The following NCALD variants were observed in gnomAD, a reference collection of about 807,000 sequenced individuals.
The protein encoded by NCALD is neurocalcin-delta.
Under a neutral mutation model 18.6 loss-of-function variants are expected in NCALD, and 10 were observed. The ratio of observed to expected loss-of-function variants is 0.54; its 90% CI spans 0.33 to 0.91. The LOEUF (loss-of-function observed/expected upper bound fraction) is 0.91, where lower values mean the gene tolerates loss of function less well. Among genes scored for constraint, NCALD ranks in the 40% least tolerant of loss-of-function variants. The pLI is 0.03. For synonymous variants in NCALD, 88 were observed against 87.4 expected (o/e 1.01, Z -0.04); for missense variants, 184 against 247.6 (o/e 0.74, Z 1.72).
chr8:101,726,595 C>T (rs1455632512), intron 1 of NCALD, among the ~76,000 whole-genome samples: 1 of 152,090 alleles, frequency 6.6e-6, no homozygotes, highest in African/African-American at 2.4e-5. Context: ...GCAAGAGAAG[C>T]AGGGCTTTTG....
chr8:101,800,696 C>T (rs1812806373), intron 4 of NCALD, among the ~76,000 whole-genome samples: 1 of 151,374 alleles, frequency 6.6e-6, no homozygotes, highest in Non-Finnish European at 1.5e-5. Context: ...ATATATCACA[C>T]AAACTCTACC....
chr8:101,720,563 C>T (rs1199981042), intron 1 of NCALD, among the ~76,000 whole-genome samples: 1 of 152,116 alleles, frequency 6.6e-6, no homozygotes, highest in Non-Finnish European at 1.5e-5. Flanking sequence ...AACAAGAATG[C>T]ACACCTTTTT....
chr8:101,751,307 A>C (rs1810647942), intron 1 of NCALD, among the ~76,000 whole-genome samples: 1 of 152,178 alleles, frequency 6.6e-6, no homozygotes, highest in Non-Finnish European at 1.5e-5. Flanking sequence ...AGAAATGGAA[A>C]GTAGAACACA....
At chr8:101,979,655 C>T (rs1820544986) in intron 2 of NCALD, among the ~76,000 whole-genome samples, 1 of 152,216 alleles carries the variant, frequency 6.6e-6, no homozygotes, top group Admixed American at 6.5e-5. Flanking sequence ...GCTACAATCT[C>T]TTCTTCTTCC....
intron 2 of NCALD, among the ~76,000 whole-genome samples, chr8:101,923,353 A>C (rs1021486803): frequency 2.6e-5 from 4 of 152,258 alleles, no homozygotes; most frequent in African/African-American, 7.2e-5. Context: ...CCCAGGAGGC[A>C]AGGAGGTAAG....
chr8:101,898,315 C>T (rs1817286053), intron 3 of NCALD, among the ~76,000 whole-genome samples: 1 of 152,130 alleles, frequency 6.6e-6, no homozygotes, highest in African/African-American at 2.4e-5. Flanking sequence ...TTTTCATGAG[C>T]TTATTTGCCA....
At chr8:102,038,144 C>T (rs1425698672) in intron 1 of NCALD, among the ~76,000 whole-genome samples, 2 of 152,088 alleles carry the variant, frequency 1.3e-5, no homozygotes, top group African/African-American at 4.8e-5. Context: ...ACGGCCTTTG[C>T]CTTACTATAC....
At chr8:101,942,482 T>A (rs1818995449) in intron 2 of NCALD, among the ~76,000 whole-genome samples, 1 of 152,146 alleles carries the variant, frequency 6.6e-6, no homozygotes, top group Admixed American at 6.5e-5. Flanking sequence ...ATAATCAATA[T>A]ACTAGGAGAA....
chr8:101,780,628 C>T (rs145519629), intron 1 of NCALD, among the ~76,000 whole-genome samples: 1 of 152,024 alleles, frequency 6.6e-6, no homozygotes, highest in Non-Finnish European at 1.5e-5. Context: ...GATGAAAAAG[C>T]TCTGGAGATG....
chr8:102,083,453 T>C (rs1824623439), intron 1 of NCALD, among the ~76,000 whole-genome samples: 1 of 152,222 alleles, frequency 6.6e-6, no homozygotes, highest in African/African-American at 2.4e-5. Context: ...GAATCTTTCC[T>C]GTGTAGAAGC....
intron 1 of NCALD, among the ~76,000 whole-genome samples, chr8:101,755,109 T>C (rs1210754772): frequency 6.6e-6 from 1 of 152,232 alleles, no homozygotes; most frequent in Non-Finnish European, 1.5e-5. Context: ...TCTCTGCAAC[T>C]AGACTGTCAA....
intron 4 of NCALD, among the ~76,000 whole-genome samples, chr8:101,804,527 TATATA>T: frequency 8.2e-6 from 1 of 122,668 alleles, no homozygotes; most frequent in East Asian, 2.0e-4. Flanking sequence ...TAACAAAGAT[TATATA>T]ATATATAATT....
In NCALD at chr8:101,816,505, CCTGT is replaced by C. The variant is rs111301986; in HGVS notation, c.-20+70632_-20+70635del. 5.7e-3 allele frequency among the ~76,000 whole-genome samples: 868 copies of C among 152,214 alleles called. 11 individuals are homozygous for C. The highest frequency in any genetic ancestry group is 0.018 in the African/African-American group (763 of 41,540). On this transcript the variant is annotated intron_variant, in intron 4 of 6. Transcript: ENST00000311028. The stretch of plus-strand genomic sequence containing the variant: ...TAATTTAGTTACTTTTTCACAATTG[CCTGT>C]CTTTGTTCAACCTAATGTAGAAGCA...
chr8:101,892,200 T>G (rs1250353786), intron 3 of NCALD, among the ~76,000 whole-genome samples: 1 of 149,700 alleles, frequency 6.7e-6, no homozygotes, highest in Non-Finnish European at 1.5e-5. Flanking sequence ...AGTGGGTCCC[T>G]GACCCCTGAC....
chr8:102,016,467 C>T (rs1822087869), intron 2 of NCALD, among the ~76,000 whole-genome samples: 3 of 152,134 alleles, frequency 2.0e-5, no homozygotes, highest in Admixed American at 2.0e-4. Flanking sequence ...GAAAGAGGTC[C>T]CCTTTGTGGA....
intron 2 of NCALD, among the ~76,000 whole-genome samples, chr8:101,705,346 G>C (rs1291448508): frequency 6.6e-6 from 1 of 152,170 alleles, no homozygotes; most frequent in East Asian, 1.9e-4. Context: ...ATCATATTAG[G>C]TCTTGAAAGA....
intron 2 of NCALD, among the ~76,000 whole-genome samples, chr8:101,969,126 C>A (rs1181940217): frequency 2.0e-5 from 3 of 152,210 alleles, no homozygotes; most frequent in Admixed American, 6.5e-5. Context: ...CACCACCTGT[C>A]TCCATTAAAT....
intron 4 of NCALD, among the ~76,000 whole-genome samples, chr8:101,824,967 A>G (rs1813872721): frequency 6.6e-6 from 1 of 152,200 alleles, no homozygotes; most frequent in Admixed American, 6.5e-5. Flanking sequence ...GTAACATGAT[A>G]GGGAATCTTT....
intron 2 of NCALD, among the ~76,000 whole-genome samples, chr8:102,018,715 T>C (rs1822173015): frequency 6.6e-6 from 1 of 152,146 alleles, no homozygotes; most frequent in South Asian, 2.1e-4. Flanking sequence ...TTTAAGAGAA[T>C]GAATTTTACC....
Sources: allele counts gnomAD v4.1 joint callset (sites outside exome capture counted in the v4.1 genomes callset), GRCh38; gene constraint gnomAD v4.1.1; transcripts MANE v1.5; gene names NCBI Gene and HGNC (gene_info 2026-07-23, HGNC 2026-07-21).